The following TMEM233 variants were observed in gnomAD, a reference collection of about 807,000 sequenced individuals.
The protein encoded by TMEM233 is transmembrane protein 233, also known as dispanin subfamily B member 2.
Under a neutral mutation model 11.2 loss-of-function variants are expected in TMEM233, and 6 were observed. That is an observed-to-expected ratio of 0.54 (90% CI 0.29 to 1.06). TMEM233 has a LOEUF of 1.06. TMEM233 is among the 50% of genes least tolerant of loss of function. The probability of loss-of-function intolerance (pLI) is 0.08; values close to 1 mark genes in which losing one functional copy is unlikely to be tolerated. For missense variants in TMEM233, 127 were observed against 144.7 expected, an observed-to-expected ratio of 0.88 and a Z score of 0.63; for synonymous variants, 59 against 55.8, an observed-to-expected ratio of 1.06 and a Z score of -0.26.
In TMEM233 at chr12:119,634,259, C is replaced by G. The variant is rs2136787428; in HGVS notation, c.323+4387C>G. On this transcript the variant is annotated intron_variant, in intron 2 of 2. Transcript: ENST00000426426. The stretch of plus-strand genomic sequence containing the variant: ...AAATCTGACATTAGAGGAGTCGAAG[C>G]CTGAAGATGAGCCCAAAACCCATGA... 4 of 985,274 alleles carry G rather than the reference C, an allele frequency of 4.1e-6. No homozygotes were observed. In the South Asian group the frequency reaches 1.4e-4, roughly 35 times the overall value. The allele number at this position is 985,274 out of a possible 1,614,324, so 61.0% of individuals were successfully genotyped here. A position where few individuals can be genotyped will look rare whatever the true frequency, so the allele number is the denominator to read the frequency against.
At chr12:119,646,980 C>T (rs1955161237), downstream of TMEM233, among the ~76,000 whole-genome samples, 1 of 152,226 alleles carries the variant, frequency 6.6e-6, no homozygotes, top group African/African-American at 2.4e-5. Context: ...GGTTATCTCA[C>T]AACCTAGACT....
intron 1 of TMEM233, among the ~76,000 whole-genome samples, chr12:119,598,432 C>A (rs564464353): frequency 1.3e-5 from 2 of 152,314 alleles, no homozygotes; most frequent in African/African-American, 2.4e-5. Flanking sequence ...TGACTTTTGA[C>A]TGGATGGCTT....
chr12:119,632,223 A>AGAG (rs987679261), intron 2 of TMEM233, among the ~76,000 whole-genome samples: 1 of 152,192 alleles, frequency 6.6e-6, no homozygotes, highest in Non-Finnish European at 1.5e-5. Flanking sequence ...AGCAACCCAA[A>AGAG]GAGGTAGATA....
intron 1 of TMEM233, among the ~76,000 whole-genome samples, chr12:119,607,603 ATTT>A (rs35498864): frequency 6.9e-6 from 1 of 145,498 alleles, no homozygotes; most frequent in Non-Finnish European, 1.5e-5. Flanking sequence ...ATTAGATGCA[ATTT>A]TTTTTTTTTT....
downstream of TMEM233, among the ~76,000 whole-genome samples, chr12:119,647,020 A>G (rs1955161764): frequency 6.6e-6 from 1 of 152,084 alleles, no homozygotes; most frequent in Admixed American, 6.6e-5. Context: ...CTGAAACCCA[A>G]CCCACACACC....
chr12:119,649,798 CTA>C, the TMEM233 span, among the ~76,000 whole-genome samples: 1 of 136,256 alleles, frequency 7.3e-6, no homozygotes, highest in South Asian at 2.4e-4. Flanking sequence ...TCTTCAGTCT[CTA>C]TATTCTACAA....
intron 1 of TMEM233, among the ~76,000 whole-genome samples, chr12:119,621,995 C>G (rs531960607): frequency 1.3e-4 from 20 of 152,220 alleles, no homozygotes; most frequent in Admixed American, 1.2e-3. Flanking sequence ...GGAAGTAACC[C>G]GTGTTTAGAC....
intron 1 of TMEM233, among the ~76,000 whole-genome samples, chr12:119,626,516 A>AGGAGAAGGGAGAAG (rs148623297): frequency 3.6e-5 from 3 of 83,938 alleles, no homozygotes; most frequent in East Asian, 4.9e-4. Context: ...GAGGAGGAGG[A>AGGAGAAGGGAGAAG]GGAGAAGGGA....
chr12:119,637,575 T>C (rs921516325), intron 2 of TMEM233, among the ~76,000 whole-genome samples: 1 of 152,224 alleles, frequency 6.6e-6, no homozygotes, highest in African/African-American at 2.4e-5. Flanking sequence ...CCCTCTTCTT[T>C]TCTATATTTT....
At chr12:119,605,195 A>G (rs1778935483) in intron 1 of TMEM233, among the ~76,000 whole-genome samples, 1 of 151,978 alleles carries the variant, frequency 6.6e-6, no homozygotes, top group Admixed American at 6.6e-5. Flanking sequence ...TTATTATAAC[A>G]TTTATACATT....
chr12:119,647,136 T>C (rs1265006878), downstream of TMEM233, among the ~76,000 whole-genome samples: 1 of 152,116 alleles, frequency 6.6e-6, no homozygotes, highest in African/African-American at 2.4e-5. Context: ...CCTCAAGCAA[T>C]CCTCCCACCT....
intron 1 of TMEM233, among the ~76,000 whole-genome samples, chr12:119,607,657 C>G (rs1014654413): frequency 1.3e-5 from 2 of 150,668 alleles, no homozygotes; most frequent in African/African-American, 4.9e-5. Flanking sequence ...CTCCCAGGCT[C>G]AAGTGCAGTG....
intron 1 of TMEM233, among the ~76,000 whole-genome samples, chr12:119,596,485 A>ATTTT (rs1345467064): frequency 2.2e-5 from 2 of 90,670 alleles, no homozygotes; most frequent in African/African-American, 8.3e-5. Flanking sequence ...ACAAGTTTGT[A>ATTTT]TCTTTTTTTT....
Position 119,606,751 on chromosome 12 carries a change from TA to T in TMEM233, c.186+12718del, listed in dbSNP as rs1217202725. 2.0e-5 allele frequency among the ~76,000 whole-genome samples: 3 copies of T among 152,332 alleles called. No individual in the cohort carries two copies. The East Asian group carries it at 5.8e-4, about 29-fold the overall frequency. ...ATCCAGCATTAGTCATGACATAAAT[TA>T]TAAAATGAGTTCCTAAACATAAAGC... On this transcript the variant is annotated intron_variant, in intron 1 of 2. Transcript: ENST00000426426.
intron 2 of TMEM233, among the ~76,000 whole-genome samples, chr12:119,630,212 A>G (rs1954850859): frequency 6.6e-6 from 1 of 152,222 alleles, no homozygotes; most frequent in East Asian, 1.9e-4. Context: ...GCATTGCTAT[A>G]AAGAAATACC....
the TMEM233 span, among the ~76,000 whole-genome samples, chr12:119,651,831 A>G: frequency 6.6e-6 from 1 of 150,686 alleles, no homozygotes; most frequent in Admixed American, 6.6e-5. Flanking sequence ...GTCTCAAAAA[A>G]AAAAAAAAAA....
At chr12:119,652,333 G>T in the TMEM233 span, among the ~76,000 whole-genome samples, 1 of 152,194 alleles carries the variant, frequency 6.6e-6, no homozygotes, top group African/African-American at 2.4e-5. Flanking sequence ...TAGATTTCTG[G>T]ATTTTAGTAG....
intron 1 of TMEM233, 68 bp from the exon 2 acceptor site, chr12:119,629,668 C>A (rs1375224271): frequency 4.8e-6 from 7 of 1,470,196 alleles, no homozygotes; most frequent in African/African-American, 1.4e-5. Context: ...ATCAGGACAG[C>A]CTGAGGACCT....
intron 1 of TMEM233, among the ~76,000 whole-genome samples, chr12:119,601,742 C>A (rs1363424947): frequency 1.3e-5 from 2 of 151,324 alleles, no homozygotes; most frequent in Admixed American, 6.6e-5. Flanking sequence ...CTAGACACAT[C>A]TAAATAATCG....
Sources: allele counts gnomAD v4.1 joint callset (sites outside exome capture counted in the v4.1 genomes callset), GRCh38; gene constraint gnomAD v4.1.1; transcripts MANE v1.5; gene names NCBI Gene and HGNC (gene_info 2026-07-23, HGNC 2026-07-21).